The following ZNF75D variants were observed in gnomAD, a reference collection of about 807,000 sequenced individuals.
ZNF75D encodes the protein zinc finger protein 75.
ZNF75D carries 33 observed loss-of-function variants against 33.3 expected under a neutral mutation model. That is an observed-to-expected ratio of 0.99 (90% confidence interval 0.75 to 1.32). The LOEUF is 1.32. Among genes scored for constraint, ZNF75D ranks in the 40% most tolerant of loss-of-function variants. The pLI is 0.00. For synonymous variants in ZNF75D, 113 were observed against 130.6 expected (o/e 0.87, Z 0.92); for missense variants, 338 against 367.5 (o/e 0.92, Z 0.66).
intron 1 of ZNF75D, among the ~76,000 whole-genome samples, chrX:135,307,024 A>T (rs1390281966): frequency 9.0e-6 from 1 of 111,557 alleles, no homozygotes; most frequent in Non-Finnish European, 1.9e-5. Context: ...TGCCTGGCCT[A>T]GTATGAAAAG....
In ZNF75D at chrX:135,293,990, G is replaced by A; in HGVS notation, c.151C>T (p.His51Tyr). 2.5e-6 allele frequency: 3 copies of A among 1,211,914 alleles called. No homozygotes were observed. Among genetic ancestry groups the A allele is most frequent in the South Asian group, 1.8e-5 (1 of 56,977 alleles). ...ENLGPESACR[H>Y]FWSFRYHEAT... ...TCATGATAACGGAAGCTCCAGAAGTGCCTGCAAGCGCTCTCAGGACCAAGA... is the reference window on the plus strand; with the variant it reads ...TCATGATAACGGAAGCTCCAGAAGTACCTGCAAGCGCTCTCAGGACCAAGA... The change falls in exon 3 of 7, where the codon CAC (histidine) becomes TAC (tyrosine). Residue 51 changes from histidine to tyrosine, a missense_variant. By Grantham distance (83) the His-to-Tyr change is moderately conservative. Transcript: ENST00000370766.
chrX:135,259,007 A>C (rs782225814), intron 1 of ZNF75D, among the ~76,000 whole-genome samples: 123 of 112,169 alleles, frequency 1.1e-3, no homozygotes, highest in Admixed American at 4.3e-3. Context: ...TCAGCTTTCT[A>C]CATATGGCTA....
chrX:135,297,937 A>T (rs2084158126), intron 1 of ZNF75D, among the ~76,000 whole-genome samples: 1 of 111,679 alleles, frequency 9.0e-6, no homozygotes, highest in African/African-American at 3.3e-5. Context: ...TGTCTTCACA[A>T]GGCCTTTTCA....
chrX:135,329,038 C>A (rs923576422), intron 1 of ZNF75D, among the ~76,000 whole-genome samples: 1 of 111,947 alleles, frequency 8.9e-6, no homozygotes, highest in Non-Finnish European at 1.9e-5. Context: ...GAAATACACT[C>A]AAAAATGACA....
At position 135,261,200 on chromosome X, in the gene ZNF75D, C is replaced by T. The variant is rs149259165; in HGVS notation, n.828-5423G>A. ...TTTCTGTTCTTTTACATTTGCTGAG[C>T]AGTGCTTTACTTCCACCTATGTGGT... On this transcript the variant is annotated intron_variant and non_coding_transcript_variant, in intron 1 of 3. Transcript: ENST00000494295. Among the ~76,000 whole-genome samples the T allele has an allele frequency of 3.5e-3, 391 of 112,200 alleles. 3 individuals are homozygous for T. Among genetic ancestry groups the T allele is most frequent in the African/African-American group, 0.012 (370 of 30,819 alleles).
At chrX:135,269,329 C>T (rs781986156) in intron 1 of ZNF75D, among the ~76,000 whole-genome samples, 3 of 111,709 alleles carry the variant, frequency 2.7e-5, no homozygotes, top group Non-Finnish European at 5.7e-5. Context: ...CAGAGTAGGA[C>T]AAAATTTTTG....
chrX:135,249,037 G>A (rs1322023289), exon 4 of ZNF75D: 1 of 324,175 alleles, frequency 3.1e-6, no homozygotes, highest in Non-Finnish European at 6.0e-6. Flanking sequence ...TGTGTGGCGT[G>A]TCGGCAAAGG....
chrX:135,335,282 T>C (rs2084696611), intron 1 of ZNF75D, among the ~76,000 whole-genome samples: 2 of 111,015 alleles, frequency 1.8e-5, no homozygotes, highest in African/African-American at 6.6e-5. Context: ...GATCTTCTTC[T>C]AAGTTCGATG....
chrX:135,343,424 T>G lies in ZNF75D; in HGVS notation c.-2047A>C, dbSNP rs2084809135. On this transcript the variant is annotated 5_prime_UTR_variant, in exon 1 of 7. Transcript: ENST00000370766. The stretch of plus-strand genomic sequence containing the variant: ...CTCCAACACCAGCAACTCCAGAATC[T>G]GCTCCATGGAGCGCATCTCAGGCCA... 1.4e-5 allele frequency: 2 copies of G among 140,808 alleles called. No individual in the cohort carries two copies. The highest frequency in any genetic ancestry group is 3.3e-4 in the East Asian group (2 of 6,030). The allele number at this position is 140,808 out of a possible 1,213,427, so 11.6% of individuals were successfully genotyped here.
chrX:135,301,921 G>C (rs1556424800), intron 1 of ZNF75D, among the ~76,000 whole-genome samples: 1 of 112,351 alleles, frequency 8.9e-6, no homozygotes, highest in African/African-American at 3.2e-5. Flanking sequence ...CTTTTGCCTG[G>C]ATATCCAGGT....
At chrX:135,257,105 C>G (rs1188682280) in intron 1 of ZNF75D, among the ~76,000 whole-genome samples, 2 of 112,247 alleles carry the variant, frequency 1.8e-5, no homozygotes, top group South Asian at 3.7e-4. Context: ...GTCCTCCCAG[C>G]TATGGTGAAG....
rs141385056 is a variant in ZNF75D at position 135,293,905 on chromosome X, C to T, written c.236G>A (p.Arg79Lys). 1 of 1,211,391 alleles carries T rather than the reference C, an allele frequency of 8.3e-7. No homozygotes were observed. The highest frequency in any genetic ancestry group is 3.0e-5 in the East Asian group (1 of 33,828). ...QLQKLCHQWLRPEIHSKEQIL... is the reference protein window; with the variant it reads ...QLQKLCHQWLKPEIHSKEQIL... ...CTGCTCTTTTGAGTGGATCTCTGGC[C>T]TCAGCCACTGATGGCACAATTTCTG... is the stretch of plus-strand genomic sequence containing the variant. The change falls in exon 3 of 7, where the codon AGG (arginine) becomes AAG (lysine). Residue 79 changes from arginine to lysine, a missense_variant. By Grantham distance (26) the Arg-to-Lys change is conservative (BLOSUM62 2). This residue lies in a region of ZNF75D where 254 missense variants were observed against 267.7 expected (regional missense o/e 0.95). Coordinates refer to ENST00000370766, the MANE Select transcript of ZNF75D (RefSeq NM_007131.5).
At chrX:135,312,101 T>C (rs1006855738) in intron 1 of ZNF75D, among the ~76,000 whole-genome samples, 6 of 111,736 alleles carry the variant, frequency 5.4e-5, no homozygotes, top group African/African-American at 9.7e-5. Context: ...ATCCCTTCCA[T>C]CTACCTGTAT....
At chrX:135,257,495 A>C (rs2148458101) in intron 1 of ZNF75D, among the ~76,000 whole-genome samples, 1 of 113,468 alleles carries the variant, frequency 8.8e-6, no homozygotes, top group African/African-American at 3.2e-5. Context: ...GCTTAGCTGC[A>C]GTCGAACAAA....
intron 1 of ZNF75D, among the ~76,000 whole-genome samples, chrX:135,332,363 T>C (rs1556440793): frequency 9.0e-6 from 1 of 111,006 alleles, no homozygotes; most frequent in African/African-American, 3.3e-5. Flanking sequence ...CCTAAGGTGA[T>C]AGTATTAGGA....
intron 1 of ZNF75D, among the ~76,000 whole-genome samples, chrX:135,273,500 A>G (rs1052966317): frequency 3.6e-5 from 4 of 111,510 alleles, no homozygotes; most frequent in Non-Finnish European, 7.5e-5. Context: ...TGGAACAGAA[A>G]GCATGGGAAA....
intron 1 of ZNF75D, among the ~76,000 whole-genome samples, chrX:135,324,737 C>T (rs1187336162): frequency 8.9e-6 from 1 of 112,293 alleles, no homozygotes; most frequent in Non-Finnish European, 1.9e-5. Flanking sequence ...CAGATGCCCA[C>T]GCTCTAACAT....
intron 1 of ZNF75D, among the ~76,000 whole-genome samples, chrX:135,306,288 T>TAC (rs57049630): frequency 0.19 from 16,016 of 82,963 alleles, 1,446 homozygotes; most frequent in Non-Finnish European, 0.22. Context: ...CAGAGATACA[T>TAC]ACACACACAC....
chrX:135,291,196 A>G, intron 5 of ZNF75D, 61 bp from the exon 6 acceptor site: 1 of 1,164,018 alleles, frequency 8.6e-7, no homozygotes, highest in Non-Finnish European at 1.2e-6. Flanking sequence ...CCTACCACCC[A>G]TTTCTGAATT....
Sources: allele counts gnomAD v4.1 joint callset (sites outside exome capture counted in the v4.1 genomes callset), GRCh38; gene constraint gnomAD v4.1.1; regional missense constraint gnomAD v4.1.1; transcripts MANE v1.5; gene names NCBI Gene and HGNC (gene_info 2026-07-23, HGNC 2026-07-21).